The following ZFAND3 variants were observed in gnomAD, a reference collection of about 807,000 sequenced individuals.
ZFAND3 encodes the protein AN1-type zinc finger protein 3.
ZFAND3 carries 10 observed loss-of-function variants against 29.6 expected under a neutral mutation model. The observed-to-expected ratio is 0.34, with a 90% CI of 0.21 to 0.57. The LOEUF (loss-of-function observed/expected upper bound fraction) is 0.57. ZFAND3 is among the 20% of genes least tolerant of loss of function. ZFAND3 has a pLI of 0.86. For missense variants in ZFAND3, 230 were observed against 304.5 expected, an observed-to-expected ratio of 0.76 and a Z score of 1.82; for synonymous variants, 128 against 112.6, an observed-to-expected ratio of 1.14 and a Z score of -0.87.
rs1562016089 is a variant in ZFAND3, at chr6:38,144,213, TA to T, written c.530-8021del. Among the ~76,000 whole-genome samples the T allele has an allele frequency of 9.0e-5, 5 of 55,338 alleles. No homozygotes were observed. In the South Asian group the frequency reaches 1.4e-3, roughly 15 times the overall value. The allele number at this position is 55,338 out of a possible 152,430, so 36.3% of individuals were successfully genotyped here. ...TATATATATATATATATATATATAA[TA>T]TATAATATATATATATATTTTTTTT... On this transcript the variant is annotated intron_variant, in intron 5 of 5. Transcript: ENST00000287218.
intron 2 of ZFAND3, among the ~76,000 whole-genome samples, chr6:37,959,268 C>T (rs543184807): frequency 2.0e-5 from 3 of 152,322 alleles, no homozygotes; most frequent in South Asian, 4.1e-4. Context: ...AACAGCAGAA[C>T]GTGTTTCAAC....
intron 2 of ZFAND3, among the ~76,000 whole-genome samples, chr6:37,981,852 G>A (rs1019688624): frequency 5.1e-4 from 78 of 152,096 alleles, no homozygotes; most frequent in African/African-American, 1.8e-3. Flanking sequence ...CGTGGTCAGG[G>A]CACACACAGC....
At chr6:38,126,072 C>G (rs146491033) in intron 5 of ZFAND3, among the ~76,000 whole-genome samples, 1 of 152,078 alleles carries the variant, frequency 6.6e-6, no homozygotes, top group Non-Finnish European at 1.5e-5. Context: ...TCCCTCATGC[C>G]CCTTTTCAGT....
chr6:38,017,947 G>C (rs1306267044), intron 2 of ZFAND3, among the ~76,000 whole-genome samples: 2 of 152,120 alleles, frequency 1.3e-5, no homozygotes, highest in Non-Finnish European at 2.9e-5. Flanking sequence ...CTTTTCCTAG[G>C]TTCCCAGAAA....
At chr6:37,898,339 T>C (rs1424494753) in intron 1 of ZFAND3, among the ~76,000 whole-genome samples, 1 of 152,228 alleles carries the variant, frequency 6.6e-6, no homozygotes, top group Non-Finnish European at 1.5e-5. Context: ...TTCTGGACTT[T>C]TAATTCTGTT....
At chr6:37,930,034 C>T (rs749768225) in intron 2 of ZFAND3, 35 bp downstream of exon 2, 8 of 1,510,054 alleles carry the variant, frequency 5.3e-6, no homozygotes, top group South Asian at 2.5e-5. Context: ...AATTTACTTT[C>T]ATTTTTCTTT....
At chr6:38,055,851 A>G (rs895406875) in intron 2 of ZFAND3, among the ~76,000 whole-genome samples, 1 of 152,270 alleles carries the variant, frequency 6.6e-6, no homozygotes, top group Non-Finnish European at 1.5e-5. Context: ...GTAACAATTG[A>G]TAAATACTTT....
chr6:37,944,585 A>G (rs1376701712), intron 2 of ZFAND3, among the ~76,000 whole-genome samples: 3 of 152,192 alleles, frequency 2.0e-5, no homozygotes, highest in Non-Finnish European at 4.4e-5. Context: ...AAACTACTAA[A>G]TCGGTTTTTC....
chr6:37,974,553 C>T (rs139762744), intron 2 of ZFAND3, among the ~76,000 whole-genome samples: 73 of 151,896 alleles, frequency 4.8e-4, no homozygotes, highest in South Asian at 1.5e-3. Context: ...TACAGGCGTG[C>T]GCTCCAACAC....
intron 2 of ZFAND3, among the ~76,000 whole-genome samples, chr6:37,938,594 G>A (rs1343733281): frequency 6.6e-6 from 1 of 152,170 alleles, no homozygotes; most frequent in African/African-American, 2.4e-5. Flanking sequence ...ACTCTGAAAT[G>A]CAAGCAAGAC....
chr6:37,977,554 C>T (rs923376549), intron 2 of ZFAND3, among the ~76,000 whole-genome samples: 2 of 152,082 alleles, frequency 1.3e-5, no homozygotes, highest in Non-Finnish European at 2.9e-5. Flanking sequence ...CCGCATGCCT[C>T]AGCCTCCCAA....
intron 5 of ZFAND3, among the ~76,000 whole-genome samples, chr6:38,132,544 G>T (rs1765762180): frequency 6.6e-6 from 1 of 152,160 alleles, no homozygotes; most frequent in African/African-American, 2.4e-5. Context: ...GGAGGTCACA[G>T]ACCTACTGTG....
Position 37,985,499 on chromosome 6 carries a change from C to CCACACACACACACACACACACACA in ZFAND3, c.112+55506_112+55529dup, listed in dbSNP as rs5875607. The stretch of plus-strand genomic sequence containing the variant: ...CGCCTGGTGGCACGTGCTTGTGGTT[C>CCACACACACACACACACACACACA]CACACACACACACACACACACACAC... On this transcript the variant is annotated intron_variant, in intron 2 of 5. Coordinates refer to ENST00000287218, the MANE Select transcript of ZFAND3 (RefSeq NM_021943.3). 2.8e-5 allele frequency among the ~76,000 whole-genome samples: 4 copies of CCACACACACACACACACACACACA among 141,702 alleles called. No individual in the cohort carries two copies. The East Asian group carries it at 8.2e-4, about 29-fold the overall frequency. 93.0% of individuals were successfully genotyped at this position (141,702 alleles called of 152,430 possible).
intron 1 of ZFAND3, among the ~76,000 whole-genome samples, chr6:37,873,998 C>T (rs1337066816): frequency 6.6e-6 from 1 of 152,148 alleles, no homozygotes; most frequent in Non-Finnish European, 1.5e-5. Context: ...GCTACTGTAA[C>T]AAAGTGTTGC....
intron 3 of ZFAND3, among the ~76,000 whole-genome samples, chr6:38,078,581 T>C (rs73419959): frequency 0.071 from 10,864 of 152,300 alleles, 457 homozygotes; most frequent in Non-Finnish European, 0.087. Context: ...AAGAACCTGT[T>C]GTATTAAGCA....
At chr6:37,961,948 G>A (rs761608508) in intron 2 of ZFAND3, among the ~76,000 whole-genome samples, 37 of 152,148 alleles carry the variant, frequency 2.4e-4, no homozygotes, top group Non-Finnish European at 2.5e-4. Context: ...TCAATGCCCA[G>A]ACACAGAGGG....
In ZFAND3 at chr6:38,072,139, TC is replaced by T. The variant is rs1561988758; in HGVS notation, c.296-10252del. 9.3e-3 allele frequency among the ~76,000 whole-genome samples: 729 copies of T among 78,428 alleles called. 1 individual carries two copies. Among genetic ancestry groups the T allele is most frequent in the Non-Finnish European group, 0.014 (567 of 41,686 alleles). 51.5% of individuals were successfully genotyped at this position (78,428 alleles called of 152,430 possible). A position where few individuals can be genotyped will look rare whatever the true frequency, so the allele number is the denominator to read the frequency against. On this transcript the variant is annotated intron_variant, in intron 3 of 5. Coordinates refer to ENST00000287218, the MANE Select transcript of ZFAND3 (RefSeq NM_021943.3). Reference sequence around the variant, plus strand: ...AATAATGAGAGTCATTTTCTGTTTCTCTCTCTCTCTCTCTCTCTCTCTGTCT... The same window carrying T: ...AATAATGAGAGTCATTTTCTGTTTCTTCTCTCTCTCTCTCTCTCTCTGTCT...
intron 1 of ZFAND3, among the ~76,000 whole-genome samples, chr6:37,866,134 C>T (rs1356633692): frequency 6.6e-6 from 1 of 152,156 alleles, no homozygotes; most frequent in East Asian, 1.9e-4. Flanking sequence ...GTAGTGGCAA[C>T]TCCTACCTTA....
intron 1 of ZFAND3, among the ~76,000 whole-genome samples, chr6:37,866,911 G>T (rs1764600220): frequency 6.6e-6 from 1 of 152,176 alleles, no homozygotes; most frequent in Admixed American, 6.5e-5. Flanking sequence ...GAAACATACG[G>T]ACTGCTTTAC....
Sources: allele counts gnomAD v4.1 joint callset (sites outside exome capture counted in the v4.1 genomes callset), GRCh38; gene constraint gnomAD v4.1.1; transcripts MANE v1.5; gene names NCBI Gene and HGNC (gene_info 2026-07-23, HGNC 2026-07-21).